SCHIP1: variants seen among roughly 807,000 people sequenced by gnomAD.
SCHIP1 encodes the protein schwannomin interacting protein 1.
In SCHIP1, 8 loss-of-function variants were observed where a neutral mutation model predicts 29.7. The ratio of observed to expected loss-of-function variants is 0.27; its 90% CI spans 0.16 to 0.49. SCHIP1 has a LOEUF of 0.49. Ranked by LOEUF, SCHIP1 falls within the 20% of genes least tolerant of loss-of-function variation. The pLI is 0.99. For synonymous variants in SCHIP1, 76 were observed against 94.9 expected (o/e 0.80, Z 1.16); for missense variants, 193 against 294.6 (o/e 0.66, Z 2.52).
the SCHIP1 span, among the ~76,000 whole-genome samples, chr3:159,660,136 A>T: frequency 6.6e-6 from 1 of 152,200 alleles, no homozygotes; most frequent in African/African-American, 2.4e-5. Context: ...TCCTGAAGGA[A>T]TGGCCACTGA....
At chr3:159,757,594 A>G in the SCHIP1 span, among the ~76,000 whole-genome samples, 1 of 152,220 alleles carries the variant, frequency 6.6e-6, no homozygotes. Flanking sequence ...TCACTCATTT[A>G]CCTCACCCGC....
At chr3:159,556,686 C>T in the SCHIP1 span, among the ~76,000 whole-genome samples, 19 of 145,826 alleles carry the variant, frequency 1.3e-4, no homozygotes, top group African/African-American at 4.4e-4. Context: ...CCAAACACCG[C>T]TTGTTCTCAC....
At chr3:159,784,977 T>C in the SCHIP1 span, among the ~76,000 whole-genome samples, 1 of 152,216 alleles carries the variant, frequency 6.6e-6, no homozygotes, top group Non-Finnish European at 1.5e-5. Context: ...TAAATCACGG[T>C]GCTAGGTCTG....
the SCHIP1 span, chr3:159,765,032 C>T: frequency 5.8e-6 from 9 of 1,546,086 alleles, no homozygotes; most frequent in Non-Finnish European, 7.9e-6. Flanking sequence ...GAAGAGCCCC[C>T]GGTGCCACCT....
the SCHIP1 span, among the ~76,000 whole-genome samples, chr3:159,716,483 A>C: frequency 6.6e-6 from 1 of 152,216 alleles, no homozygotes; most frequent in African/African-American, 2.4e-5. Flanking sequence ...AAGATCCATC[A>C]GTGTGCTGTA....
chr3:159,504,027 G>C, the SCHIP1 span, among the ~76,000 whole-genome samples: 1 of 152,182 alleles, frequency 6.6e-6, no homozygotes, highest in Admixed American at 6.5e-5. Context: ...GTTTAGACTT[G>C]ATCCTTTGGC....
At chr3:159,709,532 CA>C in the SCHIP1 span, among the ~76,000 whole-genome samples, 2 of 152,016 alleles carry the variant, frequency 1.3e-5, no homozygotes, top group Admixed American at 1.3e-4. Context: ...ATTTGCTTCC[CA>C]AAAAAACTGA....
the SCHIP1 span, among the ~76,000 whole-genome samples, chr3:159,349,067 G>A: frequency 6.6e-6 from 1 of 152,142 alleles, no homozygotes; most frequent in Admixed American, 6.6e-5. Context: ...TCATAGAATT[G>A]GGATATTATA....
the SCHIP1 span, among the ~76,000 whole-genome samples, chr3:159,560,424 CA>C: frequency 3.9e-5 from 6 of 152,084 alleles, no homozygotes; most frequent in Non-Finnish European, 7.4e-5. Context: ...CATTGTTTTG[CA>C]AATTAAATGG....
At chr3:159,881,418 C>A (rs1560094960) in intron 2 of SCHIP1, among the ~76,000 whole-genome samples, 5 of 152,146 alleles carry the variant, frequency 3.3e-5, no homozygotes. Context: ...AATGGCATAG[C>A]AGGACCAATG....
the SCHIP1 span, among the ~76,000 whole-genome samples, chr3:159,319,984 A>G: frequency 6.6e-6 from 1 of 152,172 alleles, no homozygotes. Flanking sequence ...CCTGAAATTC[A>G]TTGTGTTGAA....
chr3:159,803,848 T>C, the SCHIP1 span, among the ~76,000 whole-genome samples: 1 of 152,186 alleles, frequency 6.6e-6, no homozygotes, highest in Non-Finnish European at 1.5e-5. Context: ...ACCAATTACA[T>C]GTATATTTCA....
At chr3:159,369,064 C>G in the SCHIP1 span, among the ~76,000 whole-genome samples, 49 of 152,250 alleles carry the variant, frequency 3.2e-4, no homozygotes, top group African/African-American at 1.1e-3. Context: ...CATGGCCTGT[C>G]CCTGCCCCAT....
At chr3:159,796,580 C>CA in the SCHIP1 span, among the ~76,000 whole-genome samples, 1 of 152,160 alleles carries the variant, frequency 6.6e-6, no homozygotes, top group Non-Finnish European at 1.5e-5. Context: ...AAGCCATCTG[C>CA]TTAGCTACAG....
At chr3:159,277,145 TG>T in the SCHIP1 span, among the ~76,000 whole-genome samples, 5 of 152,000 alleles carry the variant, frequency 3.3e-5, no homozygotes, top group African/African-American at 1.2e-4. Flanking sequence ...TGCACCACAA[TG>T]GCAGGAAAAA....
the SCHIP1 span, among the ~76,000 whole-genome samples, chr3:159,776,607 GA>G: frequency 6.6e-6 from 1 of 152,166 alleles, no homozygotes; most frequent in Non-Finnish European, 1.5e-5. Flanking sequence ...GCTCGTTCTA[GA>G]AGAACAACTT....
At chr3:159,615,909 G>A in the SCHIP1 span, among the ~76,000 whole-genome samples, 11 of 152,176 alleles carry the variant, frequency 7.2e-5, no homozygotes, top group Admixed American at 5.2e-4. Context: ...CAGAGAGGTC[G>A]CTTGATGATC....
At chr3:159,828,353 T>A in the SCHIP1 span, among the ~76,000 whole-genome samples, 1 of 133,930 alleles carries the variant, frequency 7.5e-6, no homozygotes, top group Admixed American at 7.4e-5. Context: ...TTAGCATTAG[T>A]GTAACCTTTA....
the SCHIP1 span, among the ~76,000 whole-genome samples, chr3:159,654,975 G>A: frequency 2.0e-5 from 3 of 152,106 alleles, no homozygotes; most frequent in East Asian, 5.8e-4. Context: ...TGCTGCCCAC[G>A]AACTGCCTCC....
Sources: allele counts gnomAD v4.1 joint callset (sites outside exome capture counted in the v4.1 genomes callset), GRCh38; gene constraint gnomAD v4.1.1; transcripts MANE v1.5; gene names NCBI Gene and HGNC (gene_info 2026-07-23, HGNC 2026-07-21).